Variants in MRPL41 observed in about 807,000 individuals in gnomAD.
MRPL41 encodes large ribosomal subunit protein mL41.
Under a neutral mutation model 3.3 loss-of-function variants are expected in MRPL41, and 2 were observed. The observed-to-expected ratio is 0.60, with a 90% CI of 0.25 to 1.90. The LOEUF (loss-of-function observed/expected upper bound fraction) is 1.90, where lower values mean the gene tolerates loss of function less well. Ranked by LOEUF, MRPL41 falls within the 40% of genes most tolerant of loss-of-function variation. The probability of loss-of-function intolerance (pLI) is 0.16; values close to 1 mark genes in which losing one functional copy is unlikely to be tolerated. For synonymous variants in MRPL41, 93 were observed against 85.7 expected (o/e 1.08, Z -0.47); for missense variants, 161 against 192.2 (o/e 0.84, Z 0.96).
Position 137,552,269 on chromosome 9 carries a change from C to T in MRPL41, c.188C>T (p.Pro63Leu), listed in dbSNP as rs1457117059. Residue 63 changes from proline (P) to leucine (L), a missense_variant, in exon 2 of 2, where the codon CCG becomes CTG. Physicochemically the swap from Pro to Leu is moderately conservative, Grantham distance 98. Transcript: ENST00000371443. ...IKEMVPEFVV[P>L]DLTGFKLKPY... ...GAGATGGTCCCGGAGTTCGTCGTCC[C>T]GGATCTGACCGGCTTCAAGCTCAAG... 2 of 1,586,488 alleles carry T rather than the reference C, an allele frequency of 1.3e-6. No homozygotes were observed. Among genetic ancestry groups the T allele is most frequent in the South Asian group, 1.1e-5 (1 of 88,824 alleles).
rs756541051 is a variant in MRPL41 at position 137,552,103 on chromosome 9, G to C, written c.22G>C (p.Ala8Pro). 1.4e-6 allele frequency: 2 copies of C among 1,399,328 alleles called. No homozygotes were observed. The highest frequency in any genetic ancestry group is 1.9e-6 in the Non-Finnish European group (2 of 1,072,638). 86.7% of individuals were successfully genotyped at this position (1,399,328 alleles called of 1,614,324 possible). The change falls in exon 2 of 2, where the codon GCG becomes CCG. Residue 8 changes from alanine to proline, a missense_variant. Ala to Pro is a conservative substitution (Grantham distance 27). Coordinates refer to ENST00000371443, the MANE Select transcript of MRPL41 (RefSeq NM_032477.3). Reference sequence around the variant, plus strand: ...CGGCATGGGCGTCCTGGCCGCAGCGGCGCGCTGCCTGGTCCGGGGTGCGGA... The same window carrying C: ...CGGCATGGGCGTCCTGGCCGCAGCGCCGCGCTGCCTGGTCCGGGGTGCGGA... Reference protein sequence around the residue: MGVLAAAARCLVRGADRM... With the variant: MGVLAAAPRCLVRGADRM...
Position 137,552,180 on chromosome 9 carries a change from C to T in MRPL41, c.99C>T (p.Arg33=), listed in dbSNP as rs754576860. 1 of 1,543,364 alleles carries T rather than the reference C, an allele frequency of 6.5e-7. No individual in the cohort carries two copies. The highest frequency in any genetic ancestry group is 8.7e-7 in the Non-Finnish European group (1 of 1,147,468). The change falls in exon 2 of 2, where the codon CGC becomes CGT. Residue 33 remains arginine (R), a synonymous_variant. Transcript: ENST00000371443. ...GGGGCCCGCGCAGCTTCAGGGGCCG[C>T]AAGGGCCGGGGCGCCAAGGGCATCG... is the stretch of plus-strand genomic sequence containing the variant. ...SKRGPRSFRG[R]KGRGAKGIGF...
In MRPL41 at chr9:137,551,911, G is replaced by A; in HGVS notation, c.-76G>A. ...CTGCGACGCAGCGGTCGGAAGCGGA[G>A]CAAGGTCGAGGCCGGGTTGGCGCCG... On this transcript the variant is annotated 5_prime_UTR_variant, in exon 1 of 2. Coordinates refer to ENST00000371443, the MANE Select transcript of MRPL41 (RefSeq NM_032477.3). 1 of 454,628 alleles carries A rather than the reference G, an allele frequency of 2.2e-6. No homozygotes were observed. The highest frequency in any genetic ancestry group is 3.5e-6 in the Non-Finnish European group (1 of 282,664). 28.2% of individuals were successfully genotyped at this position (454,628 alleles called of 1,614,324 possible).
chr9:137,552,108 C>G lies in MRPL41; in HGVS notation c.27C>G (p.Arg9=). MGVLAAAA[R]CLVRGADRMS... ...TGGGCGTCCTGGCCGCAGCGGCGCGCTGCCTGGTCCGGGGTGCGGACCGAA... is the reference window on the plus strand; with the variant it reads ...TGGGCGTCCTGGCCGCAGCGGCGCGGTGCCTGGTCCGGGGTGCGGACCGAA... The change falls in exon 2 of 2, where the codon CGC becomes CGG. Residue 9 remains arginine (R), a synonymous_variant. Coordinates refer to ENST00000371443, the MANE Select transcript of MRPL41 (RefSeq NM_032477.3). 7.1e-7 allele frequency: 1 copy of G among 1,407,168 alleles called. No individual in the cohort carries two copies. The highest frequency in any genetic ancestry group is 1.7e-5 in the South Asian group (1 of 60,474). The allele number at this position is 1,407,168 out of a possible 1,614,324, so 87.2% of individuals were successfully genotyped here.
rs1395277125 is a variant in MRPL41 at position 137,552,511 on chromosome 9, G to A, written c.*16G>A. The A allele has an allele frequency of 8.5e-6, 13 of 1,533,310 alleles. No homozygotes were observed. Among genetic ancestry groups the A allele is most frequent in the African/African-American group, 2.8e-5 (2 of 71,664 alleles). 95.0% of individuals were successfully genotyped at this position (1,533,310 alleles called of 1,614,324 possible). ...CCTGCGCTAGCTGGGCGGGGGAGGG[G>A]CGGCCTGCCCTCATCTCATTTCTAT... is the stretch of plus-strand genomic sequence containing the variant. On this transcript the variant is annotated 3_prime_UTR_variant, in exon 2 of 2. Transcript: ENST00000371443.
chr9:137,551,939 G>A lies in MRPL41; in HGVS notation c.-48G>A, dbSNP rs1564382915. The stretch of plus-strand genomic sequence containing the variant: ...AGGTCGAGGCCGGGTTGGCGCCGGA[G>A]CCGGGGCCGCTTGGAGCTCGTGTGG... On this transcript the variant is annotated 5_prime_UTR_variant, in exon 1 of 2. Coordinates refer to ENST00000371443, the MANE Select transcript of MRPL41 (RefSeq NM_032477.3). 3 of 620,682 alleles carry A rather than the reference G, an allele frequency of 4.8e-6. No individual in the cohort carries two copies. The highest frequency in any genetic ancestry group is 3.8e-5 in the African/African-American group (2 of 52,306). The allele number at this position is 620,682 out of a possible 1,614,324, so 38.4% of individuals were successfully genotyped here.
Position 137,551,950 on chromosome 9 carries a change from TTGGAGCTCG to T in MRPL41, c.-34_-26del. The T allele has an allele frequency of 2.8e-6, 2 of 703,552 alleles. No individual in the cohort carries two copies. The highest frequency in any genetic ancestry group is 3.9e-6 in the Non-Finnish European group (2 of 509,784). 43.6% of individuals were successfully genotyped at this position (703,552 alleles called of 1,614,324 possible). ...GGGTTGGCGCCGGAGCCGGGGCCGCTTGGAGCTCGTGTGGGGTCTCCGGTCCAGGTGAGT... is the reference window on the plus strand; with the variant it reads ...GGGTTGGCGCCGGAGCCGGGGCCGCTTGTGGGGTCTCCGGTCCAGGTGAGT... On this transcript the variant is annotated 5_prime_UTR_variant, in exon 1 of 2. Coordinates refer to ENST00000371443, the MANE Select transcript of MRPL41 (RefSeq NM_032477.3).
Position 137,551,889 on chromosome 9 carries a change from C to A in MRPL41, c.-98C>A, listed in dbSNP as rs1277009741. On this transcript the variant is annotated 5_prime_UTR_variant, in exon 1 of 2. Coordinates refer to ENST00000371443, the MANE Select transcript of MRPL41 (RefSeq NM_032477.3). ...CGGCCAATCGGAGCCGCTCTTGCTG[C>A]GACGCAGCGGTCGGAAGCGGAGCAA... 1.2e-5 allele frequency: 5 copies of A among 407,320 alleles called. No homozygotes were observed. Among genetic ancestry groups the A allele is most frequent in the Non-Finnish European group, 1.7e-5 (4 of 240,814 alleles). The allele number at this position is 407,320 out of a possible 1,614,324, so 25.2% of individuals were successfully genotyped here. A position where few individuals can be genotyped will look rare whatever the true frequency, so the allele number is the denominator to read the frequency against.
Position 137,552,325 on chromosome 9 carries a change from G to A in MRPL41, c.244G>A (p.Glu82Lys), listed in dbSNP as rs1369897755. ...PYVSYLAPES[E>K]ETPLTAAQLF... Reference sequence around the variant, plus strand: ...CGTGAGCTACCTCGCCCCTGAGAGCGAGGAGACGCCCCTGACGGCCGCGCA... The same window carrying A: ...CGTGAGCTACCTCGCCCCTGAGAGCAAGGAGACGCCCCTGACGGCCGCGCA... The change falls in exon 2 of 2, where the codon GAG (glutamate) becomes AAG (lysine). Residue 82 changes from glutamate to lysine, a missense_variant. Physicochemically the swap from Glu to Lys is moderately conservative, Grantham distance 56 (BLOSUM62 1). Transcript: ENST00000371443. 2.5e-6 allele frequency: 4 copies of A among 1,610,420 alleles called. No homozygotes were observed. In the South Asian group the frequency reaches 3.3e-5, roughly 13 times the overall value.
At position 137,551,894 on chromosome 9, in the gene MRPL41, C is replaced by A; in HGVS notation, c.-93C>A. 2.4e-6 allele frequency: 1 copy of A among 412,844 alleles called. No individual in the cohort carries two copies. Among genetic ancestry groups the A allele is most frequent in the Non-Finnish European group, 4.1e-6 (1 of 245,402 alleles). 25.6% of individuals were successfully genotyped at this position (412,844 alleles called of 1,614,324 possible). A position where few individuals can be genotyped will look rare whatever the true frequency, so the allele number is the denominator to read the frequency against. On this transcript the variant is annotated 5_prime_UTR_variant, in exon 1 of 2. Transcript: ENST00000371443. ...AATCGGAGCCGCTCTTGCTGCGACG[C>A]AGCGGTCGGAAGCGGAGCAAGGTCG... is the stretch of plus-strand genomic sequence containing the variant.
chr9:137,552,172 AG>A lies in MRPL41; in HGVS notation c.95del (p.Gly32AlafsTer34). The part of the protein sequence containing the change: ...WTSKRGPRSF[R>X]GRKGRGAKGI... ...GAGCAAGCGGGGCCCGCGCAGCTTC[AG>A]GGGCCGCAAGGGCCGGGGCGCCAAG... On this transcript the variant is annotated frameshift_variant, in exon 2 of 2. Transcript: ENST00000371443. LOFTEE classifies it low-confidence loss of function (END_TRUNC). 2 of 1,537,708 alleles carry A rather than the reference AG, an allele frequency of 1.3e-6. No homozygotes were observed. Among genetic ancestry groups the A allele is most frequent in the Non-Finnish European group, 8.7e-7 (1 of 1,144,602 alleles).
rs767076196 is a variant in MRPL41 at position 137,552,492 on chromosome 9, C to G, written c.411C>G (p.Arg137=). 4 of 1,547,412 alleles carry G rather than the reference C, an allele frequency of 2.6e-6. No individual in the cohort carries two copies. Among genetic ancestry groups the G allele is most frequent in the African/African-American group, 2.8e-5 (2 of 72,080 alleles). ...LFQLYPRNFL[R] ...AGCTCTACCCCAGGAACTTCCTGCG[C>G]TAGCTGGGCGGGGGAGGGGCGGCCT... The change falls in exon 2 of 2, where the codon CGC becomes CGG. Residue 137 remains arginine, a synonymous_variant. Coordinates refer to ENST00000371443, the MANE Select transcript of MRPL41 (RefSeq NM_032477.3).
At chr9:137,552,024 G>C (rs1836977870) in intron 1 of MRPL41, 46 bp downstream of exon 1, 1 of 1,246,790 alleles carries the variant, frequency 8.0e-7, no homozygotes, top group South Asian at 3.2e-5. Context: ...GCCAGGGGCG[G>C]GGCTGGCCGG....
At position 137,552,383 on chromosome 9, in the gene MRPL41, A is replaced by G. The variant is rs756755698; in HGVS notation, c.302A>G (p.Glu101Gly). The change falls in exon 2 of 2, where the codon GAA (glutamate) becomes GGA (glycine). Residue 101 changes from glutamate to glycine, a missense_variant. Transcript: ENST00000371443. ...LFSEAVAPAI[E>G]KDFKDGTFDP... ...AGCGAAGCCGTGGCGCCTGCCATCG[A>G]AAAGGACTTCAAGGACGGTACCTTC... is the stretch of plus-strand genomic sequence containing the variant. 4.3e-6 allele frequency: 7 copies of G among 1,611,020 alleles called. No homozygotes were observed. In the South Asian group the frequency reaches 7.7e-5, roughly 18 times the overall value.
In MRPL41 at chr9:137,552,295, C is replaced by T. The variant is rs751057794; in HGVS notation, c.214C>T (p.Pro72Ser). 1.9e-6 allele frequency: 3 copies of T among 1,604,346 alleles called. No individual in the cohort carries two copies. In the South Asian group the frequency reaches 3.3e-5, roughly 18 times the overall value. The change falls in exon 2 of 2, where the codon CCC becomes TCC. Residue 72 changes from proline to serine, a missense_variant. Physicochemically the swap from Pro to Ser is moderately conservative, Grantham distance 74 (BLOSUM62 -1). Transcript: ENST00000371443. ...GGATCTGACCGGCTTCAAGCTCAAG[C>T]CCTACGTGAGCTACCTCGCCCCTGA... ...VPDLTGFKLK[P>S]YVSYLAPESE...
In MRPL41 at chr9:137,551,973, G is replaced by C. The variant is rs1319486884; in HGVS notation, c.-14G>C. 1.1e-6 allele frequency: 1 copy of C among 933,678 alleles called. No individual in the cohort carries two copies. The allele number at this position is 933,678 out of a possible 1,614,324, so 57.8% of individuals were successfully genotyped here. On this transcript the variant is annotated 5_prime_UTR_variant, in exon 1 of 2. Coordinates refer to ENST00000371443, the MANE Select transcript of MRPL41 (RefSeq NM_032477.3). ...GCTTGGAGCTCGTGTGGGGTCTCCGGTCCAGGTGAGTCTGTCGGATTGGGG... is the reference window on the plus strand; with the variant it reads ...GCTTGGAGCTCGTGTGGGGTCTCCGCTCCAGGTGAGTCTGTCGGATTGGGG...
chr9:137,552,339 G>C lies in MRPL41; in HGVS notation c.258G>C (p.Leu86=), dbSNP rs1836992413. ...CCCCTGAGAGCGAGGAGACGCCCCT[G>C]ACGGCCGCGCAGCTCTTCAGCGAAG... ...YLAPESEETP[L]TAAQLFSEAV... Residue 86 remains leucine, a synonymous_variant, in exon 2 of 2, where the codon CTG becomes CTC. Coordinates refer to ENST00000371443, the MANE Select transcript of MRPL41 (RefSeq NM_032477.3). 2 of 1,611,382 alleles carry C rather than the reference G, an allele frequency of 1.2e-6. No individual in the cohort carries two copies. The highest frequency in any genetic ancestry group is 2.7e-5 in the African/African-American group (2 of 74,964).
chr9:137,552,010 C>T, intron 1 of MRPL41, 32 bp downstream of exon 1: 1 of 1,192,384 alleles, frequency 8.4e-7, no homozygotes, highest in Non-Finnish European at 1.1e-6. Context: ...GGGCGCCGCG[C>T]GCGGCCAGGG....
chr9:137,552,254 C>G lies in MRPL41; in HGVS notation c.173C>G (p.Pro58Arg). The change falls in exon 2 of 2, where the codon CCG becomes CGG. Residue 58 changes from proline (P) to arginine (R), a missense_variant. By Grantham distance (103) the Pro-to-Arg change is moderately radical (BLOSUM62 -2). Coordinates refer to ENST00000371443, the MANE Select transcript of MRPL41 (RefSeq NM_032477.3). ...TTCGTGCAGATCAAGGAGATGGTCC[C>G]GGAGTTCGTCGTCCCGGATCTGACC... ...WRFVQIKEMVPEFVVPDLTGF... is the reference protein window; with the variant it reads ...WRFVQIKEMVREFVVPDLTGF... The G allele has an allele frequency of 2.5e-6, 4 of 1,581,836 alleles. No individual in the cohort carries two copies. The highest frequency in any genetic ancestry group is 3.4e-6 in the Non-Finnish European group (4 of 1,162,668).
Sources: allele counts gnomAD v4.1 joint callset, GRCh38; gene constraint gnomAD v4.1.1; transcripts MANE v1.5; gene names NCBI Gene and HGNC (gene_info 2026-07-23, HGNC 2026-07-21).